The following BIN2 variants were observed in gnomAD, a reference collection of about 807,000 sequenced individuals.
The protein encoded by BIN2 is breast cancer associated protein BRAP1.
In BIN2, 43 loss-of-function variants were observed where a neutral mutation model predicts 67.9. The ratio of observed to expected loss-of-function variants is 0.63; its 90% CI spans 0.50 to 0.82. The LOEUF is 0.82. Ranked by LOEUF, BIN2 falls within the 40% of genes least tolerant of loss-of-function variation. The pLI is 0.00. For synonymous variants in BIN2, 244 were observed against 246.8 expected, an observed-to-expected ratio of 0.99 and a Z score of 0.11; for missense variants, 581 against 671.6, an observed-to-expected ratio of 0.87 and a Z score of 1.49.
At chr12:51,295,690 G>A (rs1018026143) in intron 9 of BIN2, 106 bp downstream of exon 9, 15 of 695,306 alleles carry the variant, frequency 2.2e-5, no homozygotes, top group East Asian at 2.0e-4. Flanking sequence ...ACATCATCAC[G>A]CACATGCACA....
intron 1 of BIN2, among the ~76,000 whole-genome samples, chr12:51,321,476 G>A (rs1946282282): frequency 1.3e-5 from 2 of 151,112 alleles, no homozygotes; most frequent in Middle Eastern, 3.4e-3. Flanking sequence ...CTCGGCTCAC[G>A]GCAACCTCCG....
chr12:51,295,576 AAATATATATATATATATATAT>A lies in BIN2; in HGVS notation c.761+199_761+219del, dbSNP rs1381525302. Among the ~76,000 whole-genome samples the A allele has an allele frequency of 2.1e-3, 39 of 18,406 alleles. 3 individuals carry two copies. The highest frequency in any genetic ancestry group is 0.015 in the Middle Eastern group (1 of 66). 12.1% of individuals were successfully genotyped at this position (18,406 alleles called of 152,430 possible). ...AGACTCCGTCTCAAAAAAAAAAAAA[AAATATATATATATATATATAT>A]ATATATATATATATATATATATATA... On this transcript the variant is annotated intron_variant, in intron 9 of 12. Coordinates refer to ENST00000615107, the MANE Select transcript of BIN2 (RefSeq NM_016293.4).
chr12:51,323,479 C>A (rs909531865), intron 1 of BIN2, among the ~76,000 whole-genome samples: 4 of 149,920 alleles, frequency 2.7e-5, no homozygotes, highest in Non-Finnish European at 5.9e-5. Context: ...CAGATTTGGG[C>A]TCCTGCTTAC....
chr12:51,290,975 C>G (rs1178581134), intron 10 of BIN2, among the ~76,000 whole-genome samples: 1 of 150,224 alleles, frequency 6.7e-6, no homozygotes, highest in African/African-American at 2.4e-5. Flanking sequence ...ATGGAGAAAC[C>G]CCGTCTCTAC....
chr12:51,314,029 T>C (rs1398927573), intron 1 of BIN2, 126 bp from the exon 2 acceptor site: 1 of 234,074 alleles, frequency 4.3e-6, no homozygotes, highest in Non-Finnish European at 7.8e-6. Flanking sequence ...TATTTATTTA[T>C]TTATTTATTT....
Position 51,299,560 on chromosome 12 carries a change from G to A in BIN2, c.516+47C>T, listed in dbSNP as rs779557037. On this transcript the variant is annotated intron_variant, in intron 6 of 12. Coordinates refer to ENST00000615107, the MANE Select transcript of BIN2 (RefSeq NM_016293.4). ...CCACCTGCTACCACCATGGGGAGAA[G>A]GAGAACAGGAAGGGTTTACCAGTTT... 7.7e-6 allele frequency: 12 copies of A among 1,559,460 alleles called. No homozygotes were observed. The South Asian group carries it at 1.2e-4, about 16-fold the overall frequency.
At chr12:51,302,549 G>A in intron 4 of BIN2, 137 bp downstream of exon 4, 4 of 735,224 alleles carry the variant, frequency 5.4e-6, no homozygotes, top group Non-Finnish European at 9.2e-6. Context: ...CTACCACCCA[G>A]TGACTGAGGC....
chr12:51,294,649 T>C (rs560456887), intron 9 of BIN2, among the ~76,000 whole-genome samples: 2 of 151,678 alleles, frequency 1.3e-5, no homozygotes, highest in East Asian at 3.9e-4. Context: ...AACAATACAG[T>C]GTGTGCATGT....
chr12:51,295,578 ATATATATATATAT>A lies in BIN2; in HGVS notation c.761+205_761+217del, dbSNP rs1219093111. On this transcript the variant is annotated intron_variant, in intron 9 of 12. Coordinates refer to ENST00000615107, the MANE Select transcript of BIN2 (RefSeq NM_016293.4). ...ACTCCGTCTCAAAAAAAAAAAAAAA[ATATATATATATAT>A]ATATATATATATATATATATATATA... Among the ~76,000 whole-genome samples, 106 of 59,512 alleles carry A rather than the reference ATATATATATATAT, an allele frequency of 1.8e-3. 8 individuals carry two copies. Among genetic ancestry groups the A allele is most frequent in the African/African-American group, 5.1e-3 (75 of 14,668 alleles). 39.0% of individuals were successfully genotyped at this position (59,512 alleles called of 152,430 possible). A position where few individuals can be genotyped will look rare whatever the true frequency, so the allele number is the denominator to read the frequency against.
At chr12:51,294,945 T>C (rs534991276) in intron 9 of BIN2, among the ~76,000 whole-genome samples, 5 of 152,254 alleles carry the variant, frequency 3.3e-5, no homozygotes, top group African/African-American at 1.2e-4. Context: ...TTTATTAATT[T>C]TTTTAGAGAC....
chr12:51,300,273 T>G (rs1945687764), intron 5 of BIN2, among the ~76,000 whole-genome samples: 2 of 151,912 alleles, frequency 1.3e-5, no homozygotes, highest in Admixed American at 1.3e-4. Flanking sequence ...ATGTAATAGA[T>G]ATATAATTAA....
chr12:51,297,343 C>T (rs3782468), intron 7 of BIN2, 179 bp from the exon 8 acceptor site: 85,483 of 522,356 alleles, frequency 0.16, 9,907 homozygotes, highest in African/African-American at 0.44. Context: ...CCAAGGTGGG[C>T]GTATCATGAA....
chr12:51,286,038 C>T, intron 11 of BIN2, among the ~76,000 whole-genome samples: 1 of 152,156 alleles, frequency 6.6e-6, no homozygotes, highest in South Asian at 2.1e-4. Context: ...GGTGATGTTA[C>T]ATCACCTCCC....
intron 1 of BIN2, among the ~76,000 whole-genome samples, chr12:51,314,161 C>T (rs1314321007): frequency 3.9e-5 from 6 of 152,110 alleles, no homozygotes; most frequent in Admixed American, 6.6e-5. Flanking sequence ...AATTCTCCTG[C>T]CTCAGCCTCC....
In BIN2 at chr12:51,307,223, C is replaced by T. The variant is rs149348089; in HGVS notation, c.163-4082G>A. On this transcript the variant is annotated intron_variant, in intron 2 of 12. Transcript: ENST00000615107. Reference sequence around the variant, plus strand: ...GCTTGAACCCGGGAGGTGGAGGTTACAGTGAGCTGAGATCGCGACACCGTA... The same window carrying T: ...GCTTGAACCCGGGAGGTGGAGGTTATAGTGAGCTGAGATCGCGACACCGTA... Among the ~76,000 whole-genome samples the T allele has an allele frequency of 2.6e-3, 372 of 142,362 alleles. 13 individuals are homozygous for T. The East Asian group carries it at 0.07, about 27-fold the overall frequency. The allele number at this position is 142,362 out of a possible 152,430, so 93.4% of individuals were successfully genotyped here. A position where few individuals can be genotyped will look rare whatever the true frequency, so the allele number is the denominator to read the frequency against.
At chr12:51,321,196 T>C (rs1172636258) in intron 1 of BIN2, among the ~76,000 whole-genome samples, 2 of 152,134 alleles carry the variant, frequency 1.3e-5, no homozygotes, top group African/African-American at 4.8e-5. Context: ...TCAGGAACGT[T>C]GTAAAGCAGC....
intron 1 of BIN2, among the ~76,000 whole-genome samples, chr12:51,315,296 A>T (rs1946095501): frequency 6.6e-6 from 1 of 151,578 alleles, no homozygotes; most frequent in Admixed American, 6.6e-5. Context: ...CAGCCTCCCG[A>T]TTAGCTTCGG....
At chr12:51,291,440 C>T (rs2137358054) in intron 10 of BIN2, 151 bp downstream of exon 10, 3 of 737,018 alleles carry the variant, frequency 4.1e-6, no homozygotes, top group Non-Finnish European at 6.3e-6. Context: ...GAGACCCTAT[C>T]TCTGTTGGCA....
intron 2 of BIN2, among the ~76,000 whole-genome samples, chr12:51,310,477 T>G (rs1945967620): frequency 6.6e-6 from 1 of 152,220 alleles, no homozygotes; most frequent in Non-Finnish European, 1.5e-5. Flanking sequence ...TTTGTGATAT[T>G]AAGAAATGAT....
Sources: gnomAD v4.1 joint callset for allele counts (sites outside exome capture counted in the v4.1 genomes callset) on GRCh38, gnomAD v4.1.1 for gene constraint, MANE v1.5 for transcripts, NCBI Gene and HGNC (gene_info 2026-07-23, HGNC 2026-07-21) for gene names.